DROSHA: variants seen among roughly 807,000 people sequenced by gnomAD.
DROSHA encodes ribonuclease 3.
DROSHA carries 56 observed loss-of-function variants against 181.9 expected under a neutral mutation model. The observed-to-expected ratio is 0.31, with a 90% CI of 0.25 to 0.38. DROSHA has a LOEUF of 0.38. Ranked by LOEUF, DROSHA falls within the 10% of genes least tolerant of loss-of-function variation. The pLI, the probability that DROSHA is intolerant of heterozygous loss-of-function variation, is 1.00. For missense variants in DROSHA, 1,218 were observed against 1,743.5 expected (o/e 0.70, Z 5.37); for synonymous variants, 524 against 591.2 (o/e 0.89, Z 1.65).
At chr5:31,472,481 G>A (rs376560035) in intron 16 of DROSHA, among the ~76,000 whole-genome samples, 1 of 151,996 alleles carries the variant, frequency 6.6e-6, no homozygotes, top group South Asian at 2.1e-4. Flanking sequence ...ATGATAAAAG[G>A]CTCCATTTGT....
intron 9 of DROSHA, among the ~76,000 whole-genome samples, chr5:31,510,248 C>T (rs939271309): frequency 4.6e-5 from 7 of 152,172 alleles, no homozygotes; most frequent in Non-Finnish European, 1.0e-4. Flanking sequence ...ACTGTCATCC[C>T]TATTTTACAA....
At chr5:31,461,192 A>T (rs1748365239) in intron 20 of DROSHA, among the ~76,000 whole-genome samples, 1 of 152,200 alleles carries the variant, frequency 6.6e-6, no homozygotes, top group South Asian at 2.1e-4. Flanking sequence ...ATTTCTTTAC[A>T]ACAAAACTAG....
intron 23 of DROSHA, among the ~76,000 whole-genome samples, chr5:31,438,494 G>A (rs762961602): frequency 2.0e-5 from 3 of 152,152 alleles, no homozygotes; most frequent in Non-Finnish European, 4.4e-5. Flanking sequence ...AAGAATGAAG[G>A]TCAATGGCTA....
intron 35 of DROSHA, among the ~76,000 whole-genome samples, chr5:31,403,430 C>T (rs1414718745): frequency 3.3e-5 from 5 of 152,136 alleles, no homozygotes; most frequent in Non-Finnish European, 5.9e-5. Flanking sequence ...TATATACACA[C>T]ACACACATAC....
intron 8 of DROSHA, 57 bp from the exon 9 acceptor site, chr5:31,511,233 A>G: frequency 6.7e-7 from 1 of 1,500,078 alleles, no homozygotes; most frequent in Non-Finnish European, 9.1e-7. Context: ...CATATCAAAG[A>G]TATGTAAGAT....
intron 10 of DROSHA, among the ~76,000 whole-genome samples, chr5:31,505,370 G>A (rs181468545): frequency 7.1e-4 from 108 of 152,288 alleles, no homozygotes; most frequent in African/African-American, 2.4e-3. Flanking sequence ...ATGCTGGGGC[G>A]TCAAACAGAT....
intron 33 of DROSHA, 186 bp from the exon 34 acceptor site, chr5:31,407,131 G>C: frequency 2.6e-6 from 1 of 383,692 alleles, no homozygotes; most frequent in Non-Finnish European, 4.6e-6. Context: ...AATATCGAGA[G>C]CATTTGAAAT....
At chr5:31,505,150 T>C (rs1025694430) in intron 10 of DROSHA, among the ~76,000 whole-genome samples, 1 of 152,200 alleles carries the variant, frequency 6.6e-6, no homozygotes, top group Non-Finnish European at 1.5e-5. Flanking sequence ...TCTCTTTCTC[T>C]GAATTTGTTT....
intron 22 of DROSHA, 132 bp from the exon 23 acceptor site, chr5:31,448,739 T>C (rs1054091607): frequency 4.5e-6 from 3 of 668,334 alleles, no homozygotes; most frequent in African/African-American, 1.8e-5. Flanking sequence ...TGTCTAAAAG[T>C]GTGATAAACA....
At chr5:31,429,444 CAAA>C (rs763278282) in intron 27 of DROSHA, 28 bp downstream of exon 27, 1 of 1,579,624 alleles carries the variant, frequency 6.3e-7, no homozygotes. Flanking sequence ...TAATATATAA[CAAA>C]AAAAATCAAA....
At chr5:31,421,436 AC>A (rs999264502) in intron 29 of DROSHA, 59 bp from the exon 30 acceptor site, 37 of 1,356,434 alleles carry the variant, frequency 2.7e-5, no homozygotes, top group Non-Finnish European at 3.8e-5. Flanking sequence ...TTCCAAAAAA[AC>A]ACCCAGAATT....
At chr5:31,433,845 G>A (rs575957217) in intron 25 of DROSHA, among the ~76,000 whole-genome samples, 200 of 152,264 alleles carry the variant, frequency 1.3e-3, no homozygotes, top group African/African-American at 4.2e-3. Flanking sequence ...AAGCCACCAC[G>A]CCCGGTATTA....
chr5:31,406,774 T>G, intron 34 of DROSHA, 79 bp downstream of exon 34: 2 of 1,303,300 alleles, frequency 1.5e-6, no homozygotes, highest in Non-Finnish European at 2.2e-6. Flanking sequence ...GACAGATGAC[T>G]GAGTTTGGAG....
chr5:31,407,490 C>T (rs912473492), intron 33 of DROSHA, among the ~76,000 whole-genome samples: 9 of 152,110 alleles, frequency 5.9e-5, no homozygotes, highest in Admixed American at 2.0e-4. Flanking sequence ...ATGCCAAGTA[C>T]ACAACACAAT....
chr5:31,463,782 T>A (rs1421889322), intron 20 of DROSHA, among the ~76,000 whole-genome samples: 1 of 152,218 alleles, frequency 6.6e-6, no homozygotes, highest in Non-Finnish European at 1.5e-5. Context: ...ACTGATTCTG[T>A]TCATTAATGC....
rs1222095393 is a variant in DROSHA, at chr5:31,526,250, T to C, written c.683A>G (p.Tyr228Cys). The C allele has an allele frequency of 7.4e-6, 12 of 1,613,820 alleles. No homozygotes were observed. Among genetic ancestry groups the C allele is most frequent in the African/African-American group, 1.3e-5 (1 of 74,902 alleles). ...ERRSPERLKHYDDHRHRDHSH... is the reference protein window; with the variant it reads ...ERRSPERLKHCDDHRHRDHSH... ...GTGATCTCGGTGCCTGTGGTCATCATAGTGTTTCAGCCTTTCTGGGGACCT... is the reference window on the plus strand; with the variant it reads ...GTGATCTCGGTGCCTGTGGTCATCACAGTGTTTCAGCCTTTCTGGGGACCT... The change falls in exon 5 of 36, where the codon TAT becomes TGT. Residue 228 changes from tyrosine (Y) to cysteine (C), a missense_variant. By Grantham distance (194) the Tyr-to-Cys change is radical. Coordinates refer to ENST00000344624, the MANE Select transcript of DROSHA (RefSeq NM_001382508.1).
At position 31,401,329 on chromosome 5, in the gene DROSHA, G is replaced by T; in HGVS notation, c.*103C>A. The T allele has an allele frequency of 6.8e-7, 1 of 1,460,546 alleles. No individual in the cohort carries two copies. Among genetic ancestry groups the T allele is most frequent in the Non-Finnish European group, 9.5e-7 (1 of 1,050,772 alleles). The allele number at this position is 1,460,546 out of a possible 1,614,324, so 90.5% of individuals were successfully genotyped here. A position where few individuals can be genotyped will look rare whatever the true frequency, so the allele number is the denominator to read the frequency against. On this transcript the variant is annotated 3_prime_UTR_variant, in exon 36 of 36. Transcript: ENST00000344624. ...ATTTGACTCTGTATTTTATTTCAAT[G>T]AGCACACTTCATTCATTGTCTGCAG...
chr5:31,515,777 G>C (rs931875627), intron 6 of DROSHA, among the ~76,000 whole-genome samples: 2 of 152,164 alleles, frequency 1.3e-5, no homozygotes, highest in Admixed American at 1.3e-4. Context: ...ATCCCTAACT[G>C]TCTCTGGAAC....
At chr5:31,493,653 A>G (rs1210474760) in intron 12 of DROSHA, among the ~76,000 whole-genome samples, 6 of 152,202 alleles carry the variant, frequency 3.9e-5, no homozygotes, top group Non-Finnish European at 7.3e-5. Context: ...AGGTAATAAC[A>G]CAGCTGACTC....
Sources: gnomAD v4.1 joint callset for allele counts (sites outside exome capture counted in the v4.1 genomes callset) on GRCh38, gnomAD v4.1.1 for gene constraint, MANE v1.5 for transcripts, NCBI Gene and HGNC (gene_info 2026-07-23, HGNC 2026-07-21) for gene names.